ANTXR2: variants seen among roughly 807,000 people sequenced by gnomAD.
The protein encoded by ANTXR2 is anthrax toxin receptor 2.
In ANTXR2, 44 loss-of-function variants were observed where a neutral mutation model predicts 73.7. The ratio of observed to expected loss-of-function variants is 0.60; its 90% CI spans 0.47 to 0.77. The LOEUF (loss-of-function observed/expected upper bound fraction) is 0.77, where lower values mean the gene tolerates loss of function less well. Ranked by LOEUF, ANTXR2 falls within the 30% of genes least tolerant of loss-of-function variation. The pLI, the probability that ANTXR2 is intolerant of heterozygous loss-of-function variation, is 0.00. For missense variants in ANTXR2, 604 were observed against 592.5 expected, an observed-to-expected ratio of 1.02 and a Z score of -0.20; for synonymous variants, 217 against 205.9, an observed-to-expected ratio of 1.05 and a Z score of -0.46.
chr4:79,909,226 T>C (rs1249194575), intron 16 of ANTXR2, among the ~76,000 whole-genome samples: 1 of 152,188 alleles, frequency 6.6e-6, no homozygotes, highest in East Asian at 1.9e-4. Context: ...CAAAAAGTAA[T>C]AGTTTTCTCT....
chr4:80,002,559 C>A (rs1391956944), intron 12 of ANTXR2, among the ~76,000 whole-genome samples: 2 of 151,808 alleles, frequency 1.3e-5, no homozygotes, highest in African/African-American at 4.8e-5. Context: ...AATTGACAAA[C>A]GGGATCTAAT....
At chr4:79,919,813 A>T (rs1727497423) in intron 16 of ANTXR2, among the ~76,000 whole-genome samples, 1 of 111,888 alleles carries the variant, frequency 8.9e-6, no homozygotes, top group Admixed American at 9.4e-5. Flanking sequence ...TCCCTTTTAT[A>T]TATACATCTA....
chr4:79,910,000 G>C (rs959653890), intron 16 of ANTXR2, among the ~76,000 whole-genome samples: 2 of 152,106 alleles, frequency 1.3e-5, no homozygotes, highest in Non-Finnish European at 2.9e-5. Context: ...GGTTAAATCT[G>C]AGCACTCTAA....
chr4:79,920,521 G>T (rs1727554002), intron 16 of ANTXR2, among the ~76,000 whole-genome samples: 1 of 152,106 alleles, frequency 6.6e-6, no homozygotes, highest in Non-Finnish European at 1.5e-5. Flanking sequence ...ATATACGTGT[G>T]TTGGGGATGA....
At chr4:79,946,763 A>G (rs2109977047) in intron 16 of ANTXR2, among the ~76,000 whole-genome samples, 1 of 152,274 alleles carries the variant, frequency 6.6e-6, no homozygotes, top group East Asian at 1.9e-4. Context: ...TAGGTGATGA[A>G]CCAACAAATT....
At chr4:79,926,893 G>GTATATACACATTTGTGCATATATGTGTA (rs1727806092) in intron 16 of ANTXR2, among the ~76,000 whole-genome samples, 1 of 121,742 alleles carries the variant, frequency 8.2e-6, no homozygotes, top group Non-Finnish European at 1.7e-5. Flanking sequence ...ATATATGTGT[G>GTATATACACATTTGTGCATATATGTGTA]TATATACACA....
chr4:79,952,996 A>G (rs1052774180), intron 16 of ANTXR2, among the ~76,000 whole-genome samples: 1 of 152,132 alleles, frequency 6.6e-6, no homozygotes, highest in Non-Finnish European at 1.5e-5. Flanking sequence ...CTAAACAACA[A>G]GTTCTATGAC....
chr4:79,912,337 G>A (rs1727177523), intron 16 of ANTXR2, among the ~76,000 whole-genome samples: 1 of 151,828 alleles, frequency 6.6e-6, no homozygotes, highest in African/African-American at 2.4e-5. Flanking sequence ...AGATTACTCT[G>A]AGTATGTTTA....
At chr4:79,980,921 T>A (rs1729857917) in intron 14 of ANTXR2, among the ~76,000 whole-genome samples, 2 of 137,570 alleles carry the variant, frequency 1.5e-5, no homozygotes, top group African/African-American at 5.5e-5. Flanking sequence ...TTAAGGGCTT[T>A]AAAAAAAAAA....
Position 80,035,447 on chromosome 4 carries a change from C to T in ANTXR2, c.697+525G>A, listed in dbSNP as rs546676122. The stretch of plus-strand genomic sequence containing the variant: ...AGGCTTGAAAAAGAAACAAAATAGG[C>T]CAGAGAGAATCACACTCTGTCTGGG... On this transcript the variant is annotated intron_variant, in intron 8 of 16. Coordinates refer to ENST00000403729, the MANE Select transcript of ANTXR2 (RefSeq NM_058172.6). Among the ~76,000 whole-genome samples, 7 of 152,178 alleles carry T rather than the reference C, an allele frequency of 4.6e-5. No individual in the cohort carries two copies. The South Asian group carries it at 1.2e-3, about 27-fold the overall frequency.
chr4:80,021,343 C>G, intron 10 of ANTXR2, among the ~76,000 whole-genome samples: 1 of 151,754 alleles, frequency 6.6e-6, no homozygotes, highest in East Asian at 1.9e-4. Flanking sequence ...TTTTTAATGA[C>G]TAAGCATAAT....
chr4:80,004,467 G>A (rs988242578), intron 12 of ANTXR2, among the ~76,000 whole-genome samples: 2 of 146,638 alleles, frequency 1.4e-5, no homozygotes, highest in East Asian at 2.0e-4. Context: ...TAAAAATCAG[G>A]TGTTGGCCAA....
At chr4:79,963,002 T>C (rs1729202850) in intron 16 of ANTXR2, among the ~76,000 whole-genome samples, 1 of 152,066 alleles carries the variant, frequency 6.6e-6, no homozygotes, top group South Asian at 2.1e-4. Context: ...GACCCACTAG[T>C]GGTTACACTT....
chr4:80,008,447 T>C (rs1731411782), intron 12 of ANTXR2, 74 bp downstream of exon 12: 3 of 1,158,246 alleles, frequency 2.6e-6, no homozygotes, highest in African/African-American at 1.6e-5. Context: ...AACATGGCAT[T>C]TATTCATATT....
intron 14 of ANTXR2, among the ~76,000 whole-genome samples, chr4:79,983,674 C>T (rs1729981745): frequency 6.6e-6 from 1 of 152,022 alleles, no homozygotes. Flanking sequence ...AATCCTTTGA[C>T]TAATGAAACC....
chr4:80,048,092 T>G (rs1459032237), intron 7 of ANTXR2, among the ~76,000 whole-genome samples: 1 of 151,532 alleles, frequency 6.6e-6, no homozygotes. Context: ...TTCATTTTAT[T>G]TATTTATCTA....
At chr4:80,059,377 G>C (rs1734140726) in intron 3 of ANTXR2, among the ~76,000 whole-genome samples, 1 of 151,204 alleles carries the variant, frequency 6.6e-6, no homozygotes, top group Non-Finnish European at 1.5e-5. Flanking sequence ...ATATATATTG[G>C]AGACAGAGTT....
intron 16 of ANTXR2, among the ~76,000 whole-genome samples, chr4:79,943,815 A>T (rs1348546451): frequency 6.6e-6 from 1 of 152,084 alleles, no homozygotes; most frequent in African/African-American, 2.4e-5. Flanking sequence ...AAATATTTTG[A>T]TGTCTGGTTA....
intron 16 of ANTXR2, among the ~76,000 whole-genome samples, chr4:79,916,645 C>A (rs907026840): frequency 6.6e-6 from 1 of 151,832 alleles, no homozygotes; most frequent in Non-Finnish European, 1.5e-5. Context: ...TGAAAATGAT[C>A]CAAATGTCCA....
Sources: gnomAD v4.1 joint callset for allele counts (sites outside exome capture counted in the v4.1 genomes callset) on GRCh38, gnomAD v4.1.1 for gene constraint, MANE v1.5 for transcripts, NCBI Gene and HGNC (gene_info 2026-07-23, HGNC 2026-07-21) for gene names.